The following LRRTM4 variants were observed in gnomAD, a reference collection of about 807,000 sequenced individuals.
LRRTM4 encodes leucine-rich repeat transmembrane neuronal protein 4.
LRRTM4 carries 25 observed loss-of-function variants against 47.6 expected under a neutral mutation model. That is an observed-to-expected ratio of 0.53 (90% CI 0.38 to 0.73). The LOEUF (loss-of-function observed/expected upper bound fraction) is 0.73. Ranked by LOEUF, LRRTM4 falls within the 30% of genes least tolerant of loss-of-function variation. The pLI, the probability that LRRTM4 is intolerant of heterozygous loss-of-function variation, is 0.00. For synonymous variants in LRRTM4, 311 were observed against 269.5 expected, an observed-to-expected ratio of 1.15 and a Z score of -1.51; for missense variants, 638 against 713.4, an observed-to-expected ratio of 0.89 and a Z score of 1.20.
chr2:77,405,125 C>G (rs183056527), intron 3 of LRRTM4, among the ~76,000 whole-genome samples: 16 of 152,046 alleles, frequency 1.1e-4, no homozygotes, highest in Admixed American at 8.5e-4. Flanking sequence ...TTTTAAAAGT[C>G]TAATATGAAA....
intron 3 of LRRTM4, among the ~76,000 whole-genome samples, chr2:76,941,328 A>G (rs1194001975): frequency 6.6e-6 from 1 of 152,118 alleles, no homozygotes; most frequent in Admixed American, 6.6e-5. Flanking sequence ...ATATTTTTAA[A>G]TTATACTTTA....
At chr2:77,294,970 T>C (rs142952472) in intron 3 of LRRTM4, among the ~76,000 whole-genome samples, 1 of 152,280 alleles carries the variant, frequency 6.6e-6, no homozygotes, top group African/African-American at 2.4e-5. Flanking sequence ...CATTTAAATA[T>C]AATGCAAATC....
intron 3 of LRRTM4, among the ~76,000 whole-genome samples, chr2:76,836,176 T>C (rs987283258): frequency 7.2e-6 from 1 of 138,544 alleles, no homozygotes; most frequent in Admixed American, 7.3e-5. Context: ...AAAAAAAAAA[T>C]AACAGTGAAG....
chr2:76,937,931 G>A (rs1332980077), intron 3 of LRRTM4, among the ~76,000 whole-genome samples: 4 of 152,058 alleles, frequency 2.6e-5, no homozygotes, highest in African/African-American at 9.7e-5. Flanking sequence ...TTAGATCAAA[G>A]TATAACTTAC....
intron 3 of LRRTM4, among the ~76,000 whole-genome samples, chr2:77,015,493 T>C (rs143988553): frequency 1.3e-5 from 2 of 151,892 alleles, no homozygotes; most frequent in African/African-American, 4.8e-5. Context: ...GCCCAGCCAA[T>C]TTTTGTACTT....
intron 3 of LRRTM4, among the ~76,000 whole-genome samples, chr2:77,189,367 T>A (rs954516355): frequency 6.6e-6 from 1 of 152,176 alleles, no homozygotes; most frequent in Non-Finnish European, 1.5e-5. Context: ...CATTTAGATG[T>A]TCTTAAAGCC....
chr2:77,445,795 G>A (rs1482033852), intron 3 of LRRTM4, among the ~76,000 whole-genome samples: 5 of 151,992 alleles, frequency 3.3e-5, no homozygotes, highest in African/African-American at 1.2e-4. Flanking sequence ...TGGCTTGGGT[G>A]TTTAACTTCT....
At chr2:77,062,132 T>C (rs1679806093) in intron 3 of LRRTM4, among the ~76,000 whole-genome samples, 1 of 152,164 alleles carries the variant, frequency 6.6e-6, no homozygotes, top group South Asian at 2.1e-4. Flanking sequence ...TTGGGAAAGA[T>C]CCACTTTTTC....
intron 3 of LRRTM4, among the ~76,000 whole-genome samples, chr2:76,754,451 A>C (rs560945712): frequency 1.4e-4 from 21 of 152,298 alleles, no homozygotes; most frequent in African/African-American, 5.1e-4. Context: ...GAGCAAAGAT[A>C]GCACTGAGTA....
chr2:76,750,813 T>C (rs779866780), intron 3 of LRRTM4, among the ~76,000 whole-genome samples: 2 of 152,202 alleles, frequency 1.3e-5, no homozygotes, highest in Admixed American at 6.5e-5. Flanking sequence ...TCTATTCTTA[T>C]GAGAATTATG....
At chr2:77,051,772 G>C (rs1679441344) in intron 3 of LRRTM4, among the ~76,000 whole-genome samples, 1 of 152,096 alleles carries the variant, frequency 6.6e-6, no homozygotes, top group Non-Finnish European at 1.5e-5. Context: ...GATCAAATTT[G>C]CAACTTGAGC....
At chr2:77,325,442 T>TA (rs1670725215) in intron 3 of LRRTM4, among the ~76,000 whole-genome samples, 1 of 152,166 alleles carries the variant, frequency 6.6e-6, no homozygotes, top group Non-Finnish European at 1.5e-5. Context: ...CACTTAGCTA[T>TA]ATAGGGCTCT....
intron 3 of LRRTM4, among the ~76,000 whole-genome samples, chr2:77,152,398 G>A (rs930932685): frequency 3.3e-5 from 5 of 151,834 alleles, no homozygotes; most frequent in South Asian, 2.1e-4. Flanking sequence ...GCACAATCTC[G>A]GCTCACTGCA....
intron 3 of LRRTM4, among the ~76,000 whole-genome samples, chr2:76,803,071 C>T (rs1396150626): frequency 6.6e-6 from 1 of 151,792 alleles, no homozygotes; most frequent in African/African-American, 2.4e-5. Context: ...TGCATATGAA[C>T]AAAAAAGTAT....
intron 3 of LRRTM4, among the ~76,000 whole-genome samples, chr2:76,791,952 C>T (rs1197984841): frequency 6.6e-6 from 1 of 152,320 alleles, no homozygotes; most frequent in East Asian, 1.9e-4. Flanking sequence ...CTATCACCCA[C>T]TCATGTTTTT....
chr2:77,073,491 A>T (rs1362700212), intron 3 of LRRTM4, among the ~76,000 whole-genome samples: 2 of 152,058 alleles, frequency 1.3e-5, no homozygotes, highest in Non-Finnish European at 2.9e-5. Context: ...TTTCTATGTT[A>T]TAATTCCTTC....
intron 3 of LRRTM4, among the ~76,000 whole-genome samples, chr2:76,941,044 C>T (rs1265277367): frequency 2.6e-5 from 4 of 151,866 alleles, no homozygotes; most frequent in Non-Finnish European, 5.9e-5. Context: ...AAATTTGTGG[C>T]TTGAATTTGA....
chr2:76,793,888 A>T (rs554414231), intron 3 of LRRTM4, among the ~76,000 whole-genome samples: 1 of 152,196 alleles, frequency 6.6e-6, no homozygotes, highest in Non-Finnish European at 1.5e-5. Flanking sequence ...GATCTAGGGA[A>T]TACAGTATTA....
intron 3 of LRRTM4, among the ~76,000 whole-genome samples, chr2:77,064,085 A>C (rs1573519289): frequency 2.0e-5 from 3 of 152,332 alleles, no homozygotes; most frequent in East Asian, 3.9e-4. Context: ...TTTTTTAAAA[A>C]TGTAACTATG....
Sources: gnomAD v4.1 joint callset for allele counts (sites outside exome capture counted in the v4.1 genomes callset) on GRCh38, gnomAD v4.1.1 for gene constraint, MANE v1.5 for transcripts, NCBI Gene and HGNC (gene_info 2026-07-23, HGNC 2026-07-21) for gene names.